PTPN9: variants seen among roughly 807,000 people sequenced by gnomAD.
PTPN9 encodes protein tyrosine phosphatase non-receptor type 9.
PTPN9 carries 26 observed loss-of-function variants against 69.8 expected under a neutral mutation model. That is an observed-to-expected ratio of 0.37 (90% CI 0.27 to 0.52). The LOEUF (loss-of-function observed/expected upper bound fraction) is 0.52, where lower values mean the gene tolerates loss of function less well. Ranked by LOEUF, PTPN9 falls within the 20% of genes least tolerant of loss-of-function variation. The pLI is 0.91. For synonymous variants in PTPN9, 274 were observed against 272.5 expected (o/e 1.01, Z -0.05); for missense variants, 549 against 740.3 (o/e 0.74, Z 3.00).
chr15:75,471,006 T>C, intron 10 of PTPN9, 176 bp from the exon 11 acceptor site: 1 of 722,322 alleles, frequency 1.4e-6, no homozygotes, highest in Non-Finnish European at 2.2e-6. Flanking sequence ...TAAACAAATG[T>C]ACTCACAGCT....
At chr15:75,521,799 C>T in intron 4 of PTPN9, among the ~76,000 whole-genome samples, 1 of 152,162 alleles carries the variant, frequency 6.6e-6, no homozygotes, top group Admixed American at 6.6e-5. Context: ...TTGAAGAAGA[C>T]GGATGATGGA....
chr15:75,526,945 C>T (rs2074930669), intron 2 of PTPN9, among the ~76,000 whole-genome samples, 173 bp downstream of exon 2: 1 of 152,212 alleles, frequency 6.6e-6, no homozygotes, highest in Non-Finnish European at 1.5e-5. Context: ...TAGTGCCTTC[C>T]AGTAGCTGCC....
At chr15:75,543,807 A>G (rs935001753) in intron 1 of PTPN9, among the ~76,000 whole-genome samples, 1 of 152,256 alleles carries the variant, frequency 6.6e-6, no homozygotes, top group Non-Finnish European at 1.5e-5. Context: ...ATTTTTGAAC[A>G]TAATATTTTT....
intron 5 of PTPN9, among the ~76,000 whole-genome samples, chr15:75,515,400 C>G (rs1188105440): frequency 7.3e-6 from 1 of 137,226 alleles, no homozygotes; most frequent in East Asian, 2.2e-4. Flanking sequence ...GCACTCTAGC[C>G]TGGGCGACAG....
intron 7 of PTPN9, among the ~76,000 whole-genome samples, chr15:75,503,572 C>A (rs1486448066): frequency 1.1e-4 from 11 of 101,332 alleles, no homozygotes; most frequent in South Asian, 3.1e-4. Flanking sequence ...GCCCGGCCAG[C>A]CGCTCCGTCC....
chr15:75,540,936 A>G (rs917846200), intron 1 of PTPN9, among the ~76,000 whole-genome samples: 1 of 151,610 alleles, frequency 6.6e-6, no homozygotes, highest in Non-Finnish European at 1.5e-5. Flanking sequence ...AAAATTAGCC[A>G]GGTGTGGTGG....
At position 75,473,738 on chromosome 15, in the gene PTPN9, A is replaced by G; in HGVS notation, c.1159T>C (p.Trp387Arg). ...ACTTTTTGCTCCCATACCATGAGCCAGAAATCACGATAGGTATTCTCCAAA... is the reference window on the plus strand; with the variant it reads ...ACTTTTTGCTCCCATACCATGAGCCGGAAATCACGATAGGTATTCTCCAAA... ...GPLENTYRDF[W>R]LMVWEQKVLV... Residue 387 changes from tryptophan to arginine, a missense_variant, in exon 10 of 13, where the codon TGG becomes CGG. Around this residue, in one of 3 missense-constraint regions of PTPN9, gnomAD observed 457 missense variants for 661.9 expected, o/e 0.69. Transcript: ENST00000618819. 6.3e-7 allele frequency: 1 copy of G among 1,583,354 alleles called. No individual in the cohort carries two copies. Among genetic ancestry groups the G allele is most frequent in the Non-Finnish European group, 8.7e-7 (1 of 1,151,976 alleles).
At position 75,556,976 on chromosome 15, in the gene PTPN9, G is replaced by A. The variant is rs191295029; in HGVS notation, c.63+21738C>T. Among the ~76,000 whole-genome samples, 23 of 152,268 alleles carry A rather than the reference G, an allele frequency of 1.5e-4. No homozygotes were observed. The East Asian group carries it at 2.5e-3, about 17-fold the overall frequency. ...TCCTCCTGTGTCTGGCTTATTTCAT[G>A]AAGCCGAATGTTTCCAAGGTCCATC... On this transcript the variant is annotated intron_variant, in intron 1 of 12. Coordinates refer to ENST00000618819, the MANE Select transcript of PTPN9 (RefSeq NM_002833.4).
rs539457789 is a variant in PTPN9, at chr15:75,465,201, T to G, written c.*3568A>C. On this transcript the variant is annotated 3_prime_UTR_variant, in exon 13 of 13. Coordinates refer to ENST00000618819, the MANE Select transcript of PTPN9 (RefSeq NM_002833.4). ...TCATTGCAACCTCTGCCTCCCAGATTCAAGTGATTCTCCCATTTCAGCCTC... is the reference window on the plus strand; with the variant it reads ...TCATTGCAACCTCTGCCTCCCAGATGCAAGTGATTCTCCCATTTCAGCCTC... 1.3e-5 allele frequency: 2 copies of G among 152,234 alleles called. No individual in the cohort carries two copies. The highest frequency in any genetic ancestry group is 3.9e-4 in the East Asian group (2 of 5,178). The allele number at this position is 152,234 out of a possible 1,614,324, so 9.4% of individuals were successfully genotyped here.
chr15:75,551,029 G>C (rs2075054657), intron 1 of PTPN9, among the ~76,000 whole-genome samples: 1 of 152,158 alleles, frequency 6.6e-6, no homozygotes, highest in Admixed American at 6.6e-5. Context: ...AGTGTGCTGG[G>C]CCATGAGGCA....
intron 10 of PTPN9, among the ~76,000 whole-genome samples, chr15:75,472,952 AG>A (rs937317373): frequency 6.6e-6 from 1 of 151,736 alleles, no homozygotes; most frequent in Non-Finnish European, 1.5e-5. Flanking sequence ...CCATCTCAGA[AG>A]AAAAAAAAAA....
At position 75,578,902 on chromosome 15, in the gene PTPN9, G is replaced by T. The variant is rs2075186940; in HGVS notation, c.-126C>A. ...GGCCGGCTCGCGCATAGTGTGGCCG[G>T]CAGGGCCCGGCGCCTGCAGCGGCCG... On this transcript the variant is annotated 5_prime_UTR_variant, in exon 1 of 13. Coordinates refer to ENST00000618819, the MANE Select transcript of PTPN9 (RefSeq NM_002833.4). 1.9e-6 allele frequency: 1 copy of T among 532,554 alleles called. No individual in the cohort carries two copies. The highest frequency in any genetic ancestry group is 2.7e-6 in the Non-Finnish European group (1 of 372,214). 33.0% of individuals were successfully genotyped at this position (532,554 alleles called of 1,614,324 possible).
At chr15:75,498,588 G>A (rs919085585) in intron 7 of PTPN9, among the ~76,000 whole-genome samples, 46 of 151,732 alleles carry the variant, frequency 3.0e-4, no homozygotes, top group African/African-American at 9.9e-4. Flanking sequence ...GGTGGTGCAC[G>A]CCTGTAATCC....
chr15:75,486,558 T>C (rs189351423), intron 8 of PTPN9, among the ~76,000 whole-genome samples: 3 of 152,224 alleles, frequency 2.0e-5, no homozygotes. Flanking sequence ...ATCCTGCATG[T>C]GGTATTTTTG....
At chr15:75,516,705 G>A (rs1385077862) in intron 5 of PTPN9, among the ~76,000 whole-genome samples, 1 of 147,296 alleles carries the variant, frequency 6.8e-6, no homozygotes, top group East Asian at 2.0e-4. Flanking sequence ...ATGGCACCCA[G>A]CCCATCCCAC....
At chr15:75,472,460 A>AAAAATAAAAT (rs369195573) in intron 10 of PTPN9, among the ~76,000 whole-genome samples, 5 of 149,706 alleles carry the variant, frequency 3.3e-5, no homozygotes, top group South Asian at 2.1e-4. Context: ...ACTCCGTCTC[A>AAAAATAAAAT]AAAATAAAAT....
chr15:75,489,294 C>T (rs914863143), intron 8 of PTPN9, among the ~76,000 whole-genome samples: 1 of 151,768 alleles, frequency 6.6e-6, no homozygotes. Context: ...ATGTTGTACT[C>T]TGGAAAACCT....
At chr15:75,554,587 A>G (rs181252386) in intron 1 of PTPN9, among the ~76,000 whole-genome samples, 30 of 152,184 alleles carry the variant, frequency 2.0e-4, no homozygotes, top group African/African-American at 2.4e-5. Context: ...TCAGCCTCCT[A>G]AAGTGCTGGA....
chr15:75,525,128 C>G (rs779614322), intron 2 of PTPN9, among the ~76,000 whole-genome samples: 1 of 151,978 alleles, frequency 6.6e-6, no homozygotes, highest in African/African-American at 2.4e-5. Flanking sequence ...TAAATAGGAG[C>G]CTTCTCTCCA....
Sources: gnomAD v4.1 joint callset for allele counts (sites outside exome capture counted in the v4.1 genomes callset) on GRCh38, gnomAD v4.1.1 for gene constraint, gnomAD v4.1.1 regional missense constraint, MANE v1.5 for transcripts, NCBI Gene and HGNC (gene_info 2026-07-23, HGNC 2026-07-21) for gene names.